Variants in THUMPD3 observed in about 807,000 individuals in gnomAD.
The protein encoded by THUMPD3 is tRNA (guanine(6)-N(2))-methyltransferase THUMP3.
Under a neutral mutation model 54.5 loss-of-function variants are expected in THUMPD3, and 44 were observed. That is an observed-to-expected ratio of 0.81 (90% CI 0.63 to 1.04). The LOEUF (loss-of-function observed/expected upper bound fraction) is 1.04, where lower values mean the gene tolerates loss of function less well. Among genes scored for constraint, THUMPD3 ranks in the 50% least tolerant of loss-of-function variants. The probability of loss-of-function intolerance (pLI) is 0.00; values close to 1 mark genes in which losing one functional copy is unlikely to be tolerated. For missense variants in THUMPD3, 604 were observed against 601.3 expected (o/e 1.00, Z -0.05); for synonymous variants, 196 against 201.4 (o/e 0.97, Z 0.23).
chr3:9,369,495 G>T (rs1027435733), intron 3 of THUMPD3, among the ~76,000 whole-genome samples: 11 of 151,996 alleles, frequency 7.2e-5, no homozygotes, highest in African/African-American at 2.7e-4. Context: ...AGAAAGCAAA[G>T]GTGTCACTAT....
intron 4 of THUMPD3, among the ~76,000 whole-genome samples, chr3:9,372,225 G>T (rs911028598): frequency 6.6e-6 from 1 of 152,130 alleles, no homozygotes; most frequent in African/African-American, 2.4e-5. Context: ...AATTCAACCA[G>T]AATTAAAATA....
At chr3:9,377,722 G>C in intron 5 of THUMPD3, 97 bp from the exon 6 acceptor site, 1 of 891,808 alleles carries the variant, frequency 1.1e-6, no homozygotes, top group Non-Finnish European at 1.8e-6. Flanking sequence ...CTTCGGGCTA[G>C]TGTGGTAGGT....
intron 3 of THUMPD3, 75 bp downstream of exon 3, chr3:9,367,060 G>A: frequency 1.6e-6 from 2 of 1,234,386 alleles, no homozygotes; most frequent in Non-Finnish European, 2.4e-6. Flanking sequence ...TTCATAGTCT[G>A]TGAAAGTTTA....
intron 6 of THUMPD3, among the ~76,000 whole-genome samples, chr3:9,378,265 C>T (rs541279448): frequency 6.6e-6 from 1 of 152,248 alleles, no homozygotes; most frequent in South Asian, 2.1e-4. Context: ...ACTTAAGTTC[C>T]TAGAGGGAAT....
chr3:9,377,297 A>G (rs1485008211), intron 5 of THUMPD3, among the ~76,000 whole-genome samples: 3 of 152,194 alleles, frequency 2.0e-5, no homozygotes, highest in East Asian at 3.8e-4. Context: ...AAGATAGTCA[A>G]AGGAGATTTA....
intron 5 of THUMPD3, among the ~76,000 whole-genome samples, chr3:9,376,527 T>A (rs1221660656): frequency 6.6e-6 from 1 of 152,152 alleles, no homozygotes; most frequent in Non-Finnish European, 1.5e-5. Context: ...ACAGGGTGCT[T>A]ACCCCCTCAA....
intron 7 of THUMPD3, among the ~76,000 whole-genome samples, chr3:9,381,694 G>A (rs180707213): frequency 4.7e-4 from 59 of 125,226 alleles, no homozygotes; most frequent in Non-Finnish European, 9.0e-4. Flanking sequence ...TTAAACAAAC[G>A]TACCTTTCTA....
chr3:9,380,371 G>T, intron 6 of THUMPD3, 132 bp from the exon 7 acceptor site: 1 of 611,936 alleles, frequency 1.6e-6, no homozygotes, highest in Admixed American at 3.2e-5. Context: ...TTTCAGCCAG[G>T]GAAATAGCAC....
chr3:9,366,870 A>T, intron 2 of THUMPD3, 38 bp from the exon 3 acceptor site: 5 of 1,562,460 alleles, frequency 3.2e-6, no homozygotes, highest in Non-Finnish European at 4.4e-6. Flanking sequence ...GCTGTTCAAA[A>T]GCTTTCTCAG....
intron 5 of THUMPD3, among the ~76,000 whole-genome samples, chr3:9,376,719 A>G (rs988136941): frequency 6.6e-6 from 1 of 152,206 alleles, no homozygotes; most frequent in Non-Finnish European, 1.5e-5. Context: ...GAAGAACAAG[A>G]GAAGGGAAGA....
chr3:9,363,610 C>T (rs1435194525), intron 1 of THUMPD3: 1 of 151,888 alleles, frequency 6.6e-6, no homozygotes. Flanking sequence ...CTCTCTAATA[C>T]TTCCCCCGGC....
chr3:9,377,436 T>C (rs543896125), intron 5 of THUMPD3, among the ~76,000 whole-genome samples: 41 of 152,188 alleles, frequency 2.7e-4, no homozygotes, highest in Admixed American at 7.9e-4. Context: ...GCATCTTACA[T>C]GATCTTGGCT....
rs1410540408 is a variant in THUMPD3 at position 9,380,542 on chromosome 3, GATA to G, written c.1054_1056del (p.Asn352del). 3.1e-6 allele frequency: 5 copies of G among 1,613,504 alleles called. No individual in the cohort carries two copies. Among genetic ancestry groups the G allele is most frequent in the African/African-American group, 2.7e-5 (2 of 74,890 alleles). On this transcript the variant is annotated inframe_deletion, in exon 7 of 10. Transcript: ENST00000452837. ...GTCTGACTGTTTCCATATTGCTGGT[GATA>G]ATAATCCACTGGCTGTGAATAGAGC...
chr3:9,381,943 CT>C, intron 7 of THUMPD3, among the ~76,000 whole-genome samples: 1 of 151,070 alleles, frequency 6.6e-6, no homozygotes, highest in Non-Finnish European at 1.5e-5. Flanking sequence ...CCATGCCCGG[CT>C]TATTTTTTTT....
At position 9,386,449 on chromosome 3, in the gene THUMPD3, A is replaced by C. The variant is rs1186194931; in HGVS notation, c.*1761A>C. The stretch of plus-strand genomic sequence containing the variant: ...TGCCAGACTGGGTATTTGTTGAACA[A>C]GCGAGTATTTTCGCCTATTAGCTTA... On this transcript the variant is annotated 3_prime_UTR_variant, in exon 10 of 10. Coordinates refer to ENST00000452837, the MANE Select transcript of THUMPD3 (RefSeq NM_001114092.2). 7.1e-6 allele frequency: 1 copy of C among 141,396 alleles called. No individual in the cohort carries two copies. Among genetic ancestry groups the C allele is most frequent in the East Asian group, 2.2e-4 (1 of 4,574 alleles). 8.8% of individuals were successfully genotyped at this position (141,396 alleles called of 1,614,324 possible). A position where few individuals can be genotyped will look rare whatever the true frequency, so the allele number is the denominator to read the frequency against.
intron 4 of THUMPD3, among the ~76,000 whole-genome samples, chr3:9,373,864 C>A (rs1464277181): frequency 6.6e-6 from 1 of 152,170 alleles, no homozygotes; most frequent in Non-Finnish European, 1.5e-5. Flanking sequence ...TGGGCCTGTG[C>A]CACTGCACTC....
In THUMPD3 at chr3:9,368,717, A is replaced by G. The variant is rs1166691477; in HGVS notation, c.330+1732A>G. Among the ~76,000 whole-genome samples, 3 of 152,184 alleles carry G rather than the reference A, an allele frequency of 2.0e-5. No individual in the cohort carries two copies. In the East Asian group the frequency reaches 5.8e-4, roughly 29 times the overall value. On this transcript the variant is annotated intron_variant, in intron 3 of 9. Transcript: ENST00000452837. ...CTGTGATTTATATGGGTTTTTAAAG[A>G]CTAGTTAATACATGTATTTGGAGCA...
chr3:9,370,958 A>G (rs2031988145), intron 3 of THUMPD3, 102 bp from the exon 4 acceptor site: 2 of 983,480 alleles, frequency 2.0e-6, no homozygotes, highest in African/African-American at 3.3e-5. Flanking sequence ...TCCTGGAACC[A>G]GTGTCCCCCA....
intron 8 of THUMPD3, among the ~76,000 whole-genome samples, 192 bp from the exon 9 acceptor site, chr3:9,384,020 A>G (rs114204360): frequency 6.6e-6 from 1 of 152,220 alleles, no homozygotes; most frequent in Non-Finnish European, 1.5e-5. Context: ...TCTAAAAAAA[A>G]TTTTTTTGAT....
Sources: gnomAD v4.1 joint callset for allele counts (sites outside exome capture counted in the v4.1 genomes callset) on GRCh38, gnomAD v4.1.1 for gene constraint, MANE v1.5 for transcripts, NCBI Gene and HGNC (gene_info 2026-07-23, HGNC 2026-07-21) for gene names.